The following GREB1 variants were observed in gnomAD, a reference collection of about 807,000 sequenced individuals.
The protein encoded by GREB1 is growth regulating estrogen receptor binding 1, also known as protein GREB1.
In GREB1, 106 loss-of-function variants were observed where a neutral mutation model predicts 200.7. The observed-to-expected ratio is 0.53, with a 90% CI of 0.45 to 0.62. GREB1 has a LOEUF of 0.62. Ranked by LOEUF, GREB1 falls within the 20% of genes least tolerant of loss-of-function variation. GREB1 has a pLI of 0.00. For synonymous variants in GREB1, 1,132 were observed against 1,092.4 expected (o/e 1.04, Z -0.72); for missense variants, 2,243 against 2,556.8 (o/e 0.88, Z 2.65).
chr2:11,609,977 C>T (rs1040464823), intron 17 of GREB1, among the ~76,000 whole-genome samples: 1 of 152,154 alleles, frequency 6.6e-6, no homozygotes, highest in Non-Finnish European at 1.5e-5. Context: ...GAAACACCAT[C>T]ATCTACAGGG....
intron 1 of GREB1, among the ~76,000 whole-genome samples, chr2:11,539,048 C>CCT (rs1674533532): frequency 2.0e-4 from 26 of 129,412 alleles, no homozygotes; most frequent in African/African-American, 9.0e-4. Flanking sequence ...CTTCTCTTCT[C>CCT]TTCTCTTCTC....
At chr2:11,517,827 G>T (rs1673559840) in intron 1 of GREB1, among the ~76,000 whole-genome samples, 1 of 151,974 alleles carries the variant, frequency 6.6e-6, no homozygotes, top group African/African-American at 2.4e-5. Context: ...AATTTTTTTT[G>T]TATTTTTAGT....
At chr2:11,561,719 C>T (rs944639827) in intron 2 of GREB1, 1 of 152,218 alleles carries the variant, frequency 6.6e-6, no homozygotes, top group Non-Finnish European at 1.5e-5. Context: ...CCAGGCCCGA[C>T]CCTGCTTAGC....
At chr2:11,573,521 C>T (rs1678526551) in intron 4 of GREB1, among the ~76,000 whole-genome samples, 2 of 152,188 alleles carry the variant, frequency 1.3e-5, no homozygotes, top group South Asian at 4.1e-4. Context: ...TCCTCTTTCT[C>T]ATGAACATTT....
chr2:11,546,943 C>CT (rs386354826), intron 1 of GREB1, among the ~76,000 whole-genome samples: 1,894 of 123,450 alleles, frequency 0.015, 31 homozygotes, highest in African/African-American at 0.035. Flanking sequence ...CTAGTTTAAA[C>CT]TTTTTTTTTT....
Position 11,602,722 on chromosome 2 carries a change from C to T in GREB1, c.2666+180C>T, listed in dbSNP as rs140021875. ...CTCTATTTGAATCCCTTTGGGTCAG[C>T]GATATCTTTGTCATCCTGTTGCTCT... On this transcript the variant is annotated intron_variant, in intron 17 of 32. Coordinates refer to ENST00000381486, the MANE Select transcript of GREB1 (RefSeq NM_014668.4). Among the ~76,000 whole-genome samples, 54 of 152,162 alleles carry T rather than the reference C, an allele frequency of 3.5e-4. No homozygotes were observed. The South Asian group carries it at 4.6e-3, about 13-fold the overall frequency.
At chr2:11,505,332 C>T (rs1673151338) in intron 1 of GREB1, among the ~76,000 whole-genome samples, 1 of 152,092 alleles carries the variant, frequency 6.6e-6, no homozygotes, top group African/African-American at 2.4e-5. Context: ...TAAAATGTCT[C>T]CTAATGGCTC....
At chr2:11,568,656 T>C (rs1677944240) in intron 4 of GREB1, among the ~76,000 whole-genome samples, 1 of 152,234 alleles carries the variant, frequency 6.6e-6, no homozygotes, top group Non-Finnish European at 1.5e-5. Flanking sequence ...ATCCCACCAC[T>C]TTGTGACTGT....
chr2:11,576,186 A>C (rs1335611171), intron 4 of GREB1, among the ~76,000 whole-genome samples, 167 bp from the exon 5 acceptor site: 1 of 152,190 alleles, frequency 6.6e-6, no homozygotes, highest in African/African-American at 2.4e-5. Flanking sequence ...AGATGCCTGT[A>C]ATCCCAGCTA....
intron 10 of GREB1, among the ~76,000 whole-genome samples, chr2:11,590,401 C>T (rs1249233924): frequency 2.0e-5 from 3 of 152,206 alleles, no homozygotes; most frequent in Non-Finnish European, 2.9e-5. Context: ...CCCAGCCTGC[C>T]TCCTGGTCCC....
chr2:11,527,143 A>G (rs1673905183), intron 1 of GREB1, among the ~76,000 whole-genome samples: 1 of 152,158 alleles, frequency 6.6e-6, no homozygotes, highest in African/African-American at 2.4e-5. Context: ...GTGTACTACT[A>G]TTAGTTTTTT....
rs1293518676 is a variant in GREB1 at position 11,548,283 on chromosome 2, T to C, written c.-161-8171T>C. ...GCACACACATGTACAGCCAGACACA[T>C]GCACACACGTGCACATACCCACATA... is the stretch of plus-strand genomic sequence containing the variant. On this transcript the variant is annotated intron_variant, in intron 1 of 32. Transcript: ENST00000381486. This position sits in a 1 kb window ranked among gnomAD's most constrained non-coding sequence, Gnocchi z 5.1. Among the ~76,000 whole-genome samples, 1 of 54,928 alleles carries C rather than the reference T, an allele frequency of 1.8e-5. No homozygotes were observed. Among genetic ancestry groups the C allele is most frequent in the African/African-American group, 1.4e-4 (1 of 7,242 alleles). The allele number at this position is 54,928 out of a possible 152,430, so 36.0% of individuals were successfully genotyped here.
chr2:11,599,408 C>T (rs577770729), intron 15 of GREB1, among the ~76,000 whole-genome samples: 19 of 150,478 alleles, frequency 1.3e-4, no homozygotes, highest in Middle Eastern at 3.4e-3. Context: ...GGTGCGATCT[C>T]GGCTCACTGC....
chr2:11,495,401 A>G (rs1248761254), intron 1 of GREB1, among the ~76,000 whole-genome samples: 1 of 152,178 alleles, frequency 6.6e-6, no homozygotes, highest in East Asian at 1.9e-4. Context: ...CATATTGGCA[A>G]TTTCATTCGG....
Position 11,597,549 on chromosome 2 carries a change from T to A in GREB1, c.1955-232T>A, listed in dbSNP as rs1296890228. 2.0e-5 allele frequency among the ~76,000 whole-genome samples: 3 copies of A among 152,126 alleles called. No homozygotes were observed. The highest frequency in any genetic ancestry group is 4.4e-5 in the Non-Finnish European group (3 of 68,020). On this transcript the variant is annotated intron_variant, in intron 13 of 32. Transcript: ENST00000381486. The surrounding 1 kb of genome is among the most constrained non-coding windows in gnomAD (Gnocchi z 4.1). Reference sequence around the variant, plus strand: ...CCACTGTGCTCCCCAAGTGCTTGGTTCTTATTTTTATTATTAAGTGAAAGA... The same window carrying A: ...CCACTGTGCTCCCCAAGTGCTTGGTACTTATTTTTATTATTAAGTGAAAGA...
intron 1 of GREB1, among the ~76,000 whole-genome samples, chr2:11,486,870 GA>G (rs1476342218): frequency 6.6e-6 from 1 of 151,310 alleles, no homozygotes; most frequent in Non-Finnish European, 1.5e-5. Flanking sequence ...CTCCATCTCG[GA>G]AAAATAAACA....
Position 11,593,117 on chromosome 2 carries a change from G to A in GREB1, c.1687G>A (p.Ala563Thr), listed in dbSNP as rs1680900996. Residue 563 changes from alanine to threonine, a missense_variant, in exon 11 of 33, where the codon GCC becomes ACC. Transcript: ENST00000381486. ...CRSAAIDSCIAVTGKYQARIL... is the reference protein window; with the variant it reads ...CRSAAIDSCITVTGKYQARIL... Reference sequence around the variant, plus strand: ...CAGCGCGGCCATCGACTCCTGCATCGCCGTCACCGGTGAGCTCTGGGCCGC... The same window carrying A: ...CAGCGCGGCCATCGACTCCTGCATCACCGTCACCGGTGAGCTCTGGGCCGC... 3.8e-6 allele frequency: 6 copies of A among 1,599,622 alleles called. No homozygotes were observed. The highest frequency in any genetic ancestry group is 4.5e-5 in the East Asian group (2 of 44,506).
At chr2:11,609,372 G>A (rs1285202338) in intron 17 of GREB1, among the ~76,000 whole-genome samples, 3 of 151,882 alleles carry the variant, frequency 2.0e-5, no homozygotes, top group Non-Finnish European at 4.4e-5. Flanking sequence ...GAGTTCAAGC[G>A]ATTCTCCTGC....
intron 5 of GREB1, 93 bp from the exon 6 acceptor site, chr2:11,578,204 C>T: frequency 7.3e-7 from 1 of 1,368,628 alleles, no homozygotes; most frequent in Non-Finnish European, 1.0e-6. Flanking sequence ...CCATAGCTCA[C>T]TGTCCTGTAG....
Sources: allele counts gnomAD v4.1 joint callset (sites outside exome capture counted in the v4.1 genomes callset), GRCh38; gene constraint gnomAD v4.1.1; non-coding constraint Gnocchi (gnomAD v3.1); transcripts MANE v1.5; gene names NCBI Gene and HGNC (gene_info 2026-07-23, HGNC 2026-07-21).